OR14A2: variants seen among roughly 807,000 people sequenced by gnomAD.
The protein encoded by OR14A2 is olfactory receptor family 14 subfamily A member 2.
For missense variants in OR14A2, 237 were observed against 152.9 expected (o/e 1.55, Z -2.90); for synonymous variants, 114 against 58.6 (o/e 1.95, Z -4.32).
exon 1 of OR14A2, chr1:247,723,660 C>T: frequency 1.4e-6 from 1 of 718,550 alleles, no homozygotes; most frequent in Middle Eastern, 2.3e-4. Context: ...CCTCGTAGTT[C>T]AGGGGACAGC....
At chr1:247,747,944 C>T in the OR14A2 span, among the ~76,000 whole-genome samples, 1 of 151,770 alleles carries the variant, frequency 6.6e-6, no homozygotes, top group African/African-American at 2.4e-5. Context: ...GGAAAGTGAC[C>T]TTCTATACTC....
chr1:247,727,629 C>T (rs1191128668), upstream of OR14A2, among the ~76,000 whole-genome samples: 1 of 148,000 alleles, frequency 6.8e-6, no homozygotes, highest in East Asian at 1.9e-4. Context: ...TTAATGAATC[C>T]AGGAGCTGGT....
the OR14A2 span, among the ~76,000 whole-genome samples, chr1:247,740,930 G>T: frequency 6.6e-6 from 1 of 152,170 alleles, no homozygotes; most frequent in Non-Finnish European, 1.5e-5. Context: ...CATAACTTAA[G>T]AATGTAATAA....
chr1:247,738,547 T>G, the OR14A2 span: 1 of 683,004 alleles, frequency 1.5e-6, no homozygotes, highest in Non-Finnish European at 2.7e-6. Flanking sequence ...AAGAAACAAA[T>G]GATACTTTTT....
chr1:247,725,786 G>GT (rs994237572), upstream of OR14A2, among the ~76,000 whole-genome samples: 2 of 127,098 alleles, frequency 1.6e-5, no homozygotes, highest in African/African-American at 6.1e-5. Context: ...GCGGTGTTTG[G>GT]TTTTTTGTTC....
At chr1:247,743,083 T>A in the OR14A2 span, among the ~76,000 whole-genome samples, 6 of 152,300 alleles carry the variant, frequency 3.9e-5, no homozygotes, top group East Asian at 1.2e-3. Flanking sequence ...ACAACCAGAG[T>A]ATGGAAATCT....
the OR14A2 span, among the ~76,000 whole-genome samples, chr1:247,741,575 C>T: frequency 2.0e-5 from 3 of 152,040 alleles, no homozygotes. Flanking sequence ...AGAGAGCAAC[C>T]ATACAGAGTG....
At chr1:247,733,552 A>G in the OR14A2 span, among the ~76,000 whole-genome samples, 3 of 152,056 alleles carry the variant, frequency 2.0e-5, no homozygotes, top group African/African-American at 4.8e-5. Context: ...CACTCTCCCT[A>G]TATAACAAAA....
chr1:247,728,857 A>G (rs1360962636), upstream of OR14A2, among the ~76,000 whole-genome samples: 1 of 152,144 alleles, frequency 6.6e-6, no homozygotes, highest in Non-Finnish European at 1.5e-5. Flanking sequence ...TATTCCTCCC[A>G]GAATAAAAAG....
the OR14A2 span, among the ~76,000 whole-genome samples, chr1:247,743,249 A>G: frequency 6.6e-6 from 1 of 151,652 alleles, no homozygotes; most frequent in African/African-American, 2.4e-5. Context: ...CCCCCTACCC[A>G]TGGCACTCCT....
chr1:247,742,390 GT>G, the OR14A2 span, among the ~76,000 whole-genome samples: 1 of 143,514 alleles, frequency 7.0e-6, no homozygotes, highest in Non-Finnish European at 1.5e-5. Context: ...ACACCATGAA[GT>G]GAAGACTGTG....
the OR14A2 span, among the ~76,000 whole-genome samples, chr1:247,729,492 G>A: frequency 6.6e-6 from 1 of 152,040 alleles, no homozygotes; most frequent in Non-Finnish European, 1.5e-5. Context: ...TAACATAGTT[G>A]AAGATTTGCT....
chr1:247,733,558 C>A, the OR14A2 span, among the ~76,000 whole-genome samples: 1 of 152,148 alleles, frequency 6.6e-6, no homozygotes, highest in Non-Finnish European at 1.5e-5. Flanking sequence ...CCCTATATAA[C>A]AAAAGCCCTT....
At chr1:247,734,249 C>T in the OR14A2 span, among the ~76,000 whole-genome samples, 7 of 152,078 alleles carry the variant, frequency 4.6e-5, no homozygotes, top group African/African-American at 9.7e-5. Context: ...TGCACAGAGA[C>T]GACCAGAGGA....
At chr1:247,729,794 C>A in the OR14A2 span, among the ~76,000 whole-genome samples, 6 of 151,312 alleles carry the variant, frequency 4.0e-5, no homozygotes, top group Admixed American at 3.3e-4. Flanking sequence ...CACCCCATTG[C>A]TCGAGATCTA....
chr1:247,738,918 G>A, the OR14A2 span: 2 of 780,598 alleles, frequency 2.6e-6, no homozygotes, highest in South Asian at 1.3e-5. Context: ...GCTCTTCTTG[G>A]TGGTACTGCT....
the OR14A2 span, among the ~76,000 whole-genome samples, chr1:247,737,010 T>C: frequency 6.6e-6 from 1 of 152,146 alleles, no homozygotes; most frequent in African/African-American, 2.4e-5. Context: ...TTGTCCAGGC[T>C]TGTCTCGAAT....
upstream of OR14A2, among the ~76,000 whole-genome samples, chr1:247,728,818 A>G (rs1262184044): frequency 1.3e-5 from 2 of 151,596 alleles, no homozygotes; most frequent in African/African-American, 4.8e-5. Context: ...TAAGGAGATA[A>G]TTCCATCACA....
the OR14A2 span, chr1:247,739,179 A>G: frequency 3.8e-6 from 3 of 780,804 alleles, no homozygotes; most frequent in South Asian, 2.7e-5. Flanking sequence ...CACTTGTTCT[A>G]AAGAACATGC....
Sources: allele counts gnomAD v4.1 joint callset (sites outside exome capture counted in the v4.1 genomes callset), GRCh38; gene constraint gnomAD v4.1.1; transcripts MANE v1.5; gene names NCBI Gene and HGNC (gene_info 2026-07-23, HGNC 2026-07-21).